FSTL5: variants seen among roughly 807,000 people sequenced by gnomAD.
FSTL5 encodes follistatin like 5.
FSTL5 carries 62 observed loss-of-function variants against 89.1 expected under a neutral mutation model. The observed-to-expected ratio is 0.70, with a 90% CI of 0.57 to 0.86. The LOEUF is 0.86. Ranked by LOEUF, FSTL5 falls within the 40% of genes least tolerant of loss-of-function variation. The pLI is 0.00. For synonymous variants in FSTL5, 383 were observed against 346.2 expected (o/e 1.11, Z -1.18); for missense variants, 1,057 against 1,001.6 (o/e 1.06, Z -0.75).
At chr4:161,501,317 AT>A (rs1032646551) in intron 11 of FSTL5, among the ~76,000 whole-genome samples, 3 of 152,074 alleles carry the variant, frequency 2.0e-5, no homozygotes, top group Non-Finnish European at 4.4e-5. Context: ...CAGTTTGTTG[AT>A]TTGTAAAAAA....
intron 3 of FSTL5, among the ~76,000 whole-genome samples, chr4:161,976,053 T>C (rs532543085): frequency 6.9e-6 from 1 of 145,106 alleles, no homozygotes; most frequent in East Asian, 2.1e-4. Flanking sequence ...GGCAGGCGGA[T>C]CTTGCAGTGA....
At position 161,736,195 on chromosome 4, in the gene FSTL5, T is replaced by C. The variant is rs889071431; in HGVS notation, c.727+23216A>G. Among the ~76,000 whole-genome samples the C allele has an allele frequency of 6.6e-5, 10 of 152,322 alleles. No homozygotes were observed. The South Asian group carries it at 1.2e-3, about 19-fold the overall frequency. ...CACATTTGATTACAGAATGTTATTT[T>C]CTTACAATTACCAAAATGAAAGCTC... On this transcript the variant is annotated intron_variant, in intron 6 of 15. Coordinates refer to ENST00000306100, the MANE Select transcript of FSTL5 (RefSeq NM_020116.5).
intron 6 of FSTL5, among the ~76,000 whole-genome samples, chr4:161,722,752 A>G (rs1166326730): frequency 2.0e-5 from 3 of 152,136 alleles, no homozygotes; most frequent in Admixed American, 2.0e-4. Context: ...CTATTTTTAA[A>G]TGGCATATCT....
intron 3 of FSTL5, among the ~76,000 whole-genome samples, chr4:161,942,243 C>A (rs1734608267): frequency 6.6e-6 from 1 of 150,868 alleles, no homozygotes; most frequent in Admixed American, 6.6e-5. Flanking sequence ...AAAACAAAAC[C>A]AAATCCAGTA....
intron 6 of FSTL5, among the ~76,000 whole-genome samples, chr4:161,659,931 C>T (rs1736648562): frequency 1.3e-5 from 2 of 152,048 alleles, no homozygotes; most frequent in African/African-American, 2.4e-5. Context: ...ATTTTATACC[C>T]CTCTGCATCC....
intron 3 of FSTL5, among the ~76,000 whole-genome samples, chr4:162,022,094 G>C (rs1360184860): frequency 8.2e-6 from 1 of 122,056 alleles, no homozygotes; most frequent in Non-Finnish European, 1.8e-5. Flanking sequence ...CTGTCTCAGG[G>C]AAAAAAAAAA....
At chr4:161,754,347 A>T (rs1259625769) in intron 6 of FSTL5, among the ~76,000 whole-genome samples, 1 of 152,148 alleles carries the variant, frequency 6.6e-6, no homozygotes, top group Non-Finnish European at 1.5e-5. Context: ...GTGACATTAG[A>T]AGTTGAACAC....
chr4:161,678,092 A>G (rs1385819030), intron 6 of FSTL5, among the ~76,000 whole-genome samples: 2 of 151,862 alleles, frequency 1.3e-5, no homozygotes, highest in Non-Finnish European at 1.5e-5. Flanking sequence ...AAATATACAT[A>G]TCTGTGATGA....
intron 4 of FSTL5, among the ~76,000 whole-genome samples, chr4:161,855,291 G>T (rs1376338271): frequency 6.6e-6 from 1 of 152,032 alleles, no homozygotes; most frequent in African/African-American, 2.4e-5. Flanking sequence ...GGTACATTCA[G>T]AGCTACTCTG....
chr4:161,426,550 C>T (rs1732173551), intron 15 of FSTL5, among the ~76,000 whole-genome samples: 2 of 152,084 alleles, frequency 1.3e-5, no homozygotes, highest in Admixed American at 1.3e-4. Flanking sequence ...TGCCACTTGC[C>T]CCTCCTCCTC....
intron 3 of FSTL5, among the ~76,000 whole-genome samples, chr4:161,989,092 AG>A (rs1736040349): frequency 1.3e-5 from 2 of 152,172 alleles, no homozygotes; most frequent in Admixed American, 6.5e-5. Context: ...ACCTTTAAAC[AG>A]TTTCCACAAC....
intron 6 of FSTL5, among the ~76,000 whole-genome samples, chr4:161,712,149 G>T (rs537237717): frequency 6.6e-6 from 1 of 152,184 alleles, no homozygotes; most frequent in African/African-American, 2.4e-5. Context: ...AATGCATAAG[G>T]CATTTCCTTT....
chr4:162,143,326 A>G (rs1162390290), intron 1 of FSTL5, among the ~76,000 whole-genome samples: 2 of 152,128 alleles, frequency 1.3e-5, no homozygotes, highest in East Asian at 3.9e-4. Flanking sequence ...AAATTTAAAT[A>G]AATTCCATTT....
At chr4:161,526,696 A>C (rs947557979) in intron 10 of FSTL5, among the ~76,000 whole-genome samples, 2 of 152,194 alleles carry the variant, frequency 1.3e-5, no homozygotes, top group African/African-American at 4.8e-5. Flanking sequence ...CCATTTATTG[A>C]ATAGGGAATC....
intron 6 of FSTL5, among the ~76,000 whole-genome samples, chr4:161,745,242 A>G (rs952592768): frequency 6.6e-6 from 1 of 152,108 alleles, no homozygotes; most frequent in Non-Finnish European, 1.5e-5. Context: ...GTTTGAAATC[A>G]ATATTTAAAA....
intron 5 of FSTL5, among the ~76,000 whole-genome samples, chr4:161,763,536 G>A (rs1393761599): frequency 6.6e-6 from 1 of 152,172 alleles, no homozygotes; most frequent in African/African-American, 2.4e-5. Context: ...AGCTATGGGT[G>A]TAGGGGAGAG....
chr4:162,059,126 A>C (rs1738643982), intron 2 of FSTL5, among the ~76,000 whole-genome samples: 1 of 152,196 alleles, frequency 6.6e-6, no homozygotes, highest in Admixed American at 6.5e-5. Flanking sequence ...ACAACAATAC[A>C]AATTTCTGAA....
intron 2 of FSTL5, among the ~76,000 whole-genome samples, chr4:162,062,694 A>G (rs980642370): frequency 1.3e-5 from 2 of 151,160 alleles, no homozygotes; most frequent in Non-Finnish European, 3.0e-5. Flanking sequence ...ATTAAAGAGT[A>G]AGATAAAGTA....
intron 6 of FSTL5, among the ~76,000 whole-genome samples, chr4:161,730,594 A>G (rs1739575155): frequency 6.6e-6 from 1 of 152,194 alleles, no homozygotes; most frequent in African/African-American, 2.4e-5. Context: ...GCTAGTACAG[A>G]ACATTTGCTG....
Sources: gnomAD v4.1 joint callset for allele counts (sites outside exome capture counted in the v4.1 genomes callset) on GRCh38, gnomAD v4.1.1 for gene constraint, MANE v1.5 for transcripts, NCBI Gene and HGNC (gene_info 2026-07-23, HGNC 2026-07-21) for gene names.